KHDRBS2: variants seen among roughly 807,000 people sequenced by gnomAD.
KHDRBS2 encodes the protein KH RNA binding domain containing, signal transduction associated 2.
A neutral mutation model predicts 44.3 loss-of-function variants in KHDRBS2; 26 were observed. The ratio of observed to expected loss-of-function variants is 0.59; its 90% CI spans 0.43 to 0.81. The LOEUF is 0.81. Ranked by LOEUF, KHDRBS2 falls within the 40% of genes least tolerant of loss-of-function variation. KHDRBS2 has a pLI of 0.00. For missense variants in KHDRBS2, 476 were observed against 433.1 expected (o/e 1.10, Z -0.88); for synonymous variants, 194 against 151.1 (o/e 1.28, Z -2.08).
intron 3 of KHDRBS2, among the ~76,000 whole-genome samples, chr6:61,992,527 A>G (rs1260689069): frequency 6.6e-6 from 1 of 152,148 alleles, no homozygotes; most frequent in Non-Finnish European, 1.5e-5. Context: ...ACTAATATCA[A>G]TTGTATCCTG....
intron 4 of KHDRBS2, among the ~76,000 whole-genome samples, chr6:61,974,695 G>A (rs949997775): frequency 6.6e-6 from 1 of 151,948 alleles, no homozygotes; most frequent in African/African-American, 2.4e-5. Flanking sequence ...CACTTTGGGA[G>A]GCTGAGGCGG....
At chr6:61,784,302 T>A (rs545732295) in intron 6 of KHDRBS2, among the ~76,000 whole-genome samples, 24 of 151,878 alleles carry the variant, frequency 1.6e-4, no homozygotes, top group African/African-American at 4.8e-4. Context: ...AGTAATTGGA[T>A]AAGTTTAAAA....
intron 6 of KHDRBS2, among the ~76,000 whole-genome samples, chr6:61,783,625 A>G (rs1279192033): frequency 1.3e-5 from 2 of 152,172 alleles, no homozygotes; most frequent in African/African-American, 4.8e-5. Flanking sequence ...TATAAAATCA[A>G]ATCGATTTTC....
chr6:61,681,140 C>T (rs961077083), intron 8 of KHDRBS2, 80 bp from the exon 9 acceptor site: 9 of 951,618 alleles, frequency 9.5e-6, no homozygotes, highest in Middle Eastern at 2.3e-4. Context: ...AATAGTTGAC[C>T]GAGAAAAAGA....
At chr6:61,676,631 C>T (rs1765960893), downstream of KHDRBS2, among the ~76,000 whole-genome samples, 1 of 151,860 alleles carries the variant, frequency 6.6e-6, no homozygotes, top group African/African-American at 2.4e-5. Flanking sequence ...GCCAGACTTG[C>T]TTCACTCTTG....
Position 62,250,719 on chromosome 6 carries a change from A to G in KHDRBS2, c.91+35139T>C, listed in dbSNP as rs963819454. 2.6e-5 allele frequency among the ~76,000 whole-genome samples: 4 copies of G among 152,060 alleles called. No homozygotes were observed. In the South Asian group the frequency reaches 6.2e-4, roughly 24 times the overall value. ...GGATGCTAAATCTAGGAGAAACTAGATATTTTCACGGTATTGAAGCGTCTC... is the reference window on the plus strand; with the variant it reads ...GGATGCTAAATCTAGGAGAAACTAGGTATTTTCACGGTATTGAAGCGTCTC... On this transcript the variant is annotated intron_variant, in intron 1 of 8. Coordinates refer to ENST00000281156, the MANE Select transcript of KHDRBS2 (RefSeq NM_152688.4).
At chr6:62,078,391 T>C (rs752612547) in intron 2 of KHDRBS2, among the ~76,000 whole-genome samples, 3 of 152,040 alleles carry the variant, frequency 2.0e-5, no homozygotes, top group Non-Finnish European at 4.4e-5. Context: ...TCAGAGAGGA[T>C]AACATGTGTA....
chr6:62,064,181 A>C (rs1020242130), intron 2 of KHDRBS2, among the ~76,000 whole-genome samples: 19 of 109,658 alleles, frequency 1.7e-4, no homozygotes, highest in African/African-American at 4.8e-4. Context: ...GGAAGAATCA[A>C]TATTGTGAAA....
At chr6:61,781,129 T>C (rs1454869433) in intron 6 of KHDRBS2, among the ~76,000 whole-genome samples, 1 of 152,288 alleles carries the variant, frequency 6.6e-6, no homozygotes, top group East Asian at 1.9e-4. Flanking sequence ...CATAATGCAA[T>C]TACACAAAGG....
chr6:61,906,893 CTT>C (rs199843521), intron 4 of KHDRBS2, among the ~76,000 whole-genome samples: 10 of 146,866 alleles, frequency 6.8e-5, no homozygotes, highest in Admixed American at 2.0e-4. Flanking sequence ...TACTAGTTTG[CTT>C]TTTTTTTTTT....
At chr6:61,783,390 T>G (rs1301130416) in intron 6 of KHDRBS2, among the ~76,000 whole-genome samples, 3 of 152,106 alleles carry the variant, frequency 2.0e-5, no homozygotes, top group Non-Finnish European at 4.4e-5. Context: ...TGCATTGTCA[T>G]GATCTATTTG....
At chr6:61,686,028 G>C (rs138171258) in intron 8 of KHDRBS2, among the ~76,000 whole-genome samples, 1 of 151,740 alleles carries the variant, frequency 6.6e-6, no homozygotes, top group African/African-American at 2.4e-5. Context: ...TGCCACCTAA[G>C]AGGAAATTAA....
At chr6:61,619,561 TC>T in the KHDRBS2 span, among the ~76,000 whole-genome samples, 1 of 152,206 alleles carries the variant, frequency 6.6e-6, no homozygotes, top group African/African-American at 2.4e-5. Context: ...TTCTAGTGAT[TC>T]TCCTGCCTCA....
chr6:62,028,840 G>A (rs1294698656), intron 3 of KHDRBS2, among the ~76,000 whole-genome samples: 4 of 151,920 alleles, frequency 2.6e-5, no homozygotes, highest in Non-Finnish European at 5.9e-5. Flanking sequence ...TTTACTTGTC[G>A]ACACATGTGA....
At chr6:62,116,929 T>C (rs754813162) in intron 2 of KHDRBS2, among the ~76,000 whole-genome samples, 1 of 152,176 alleles carries the variant, frequency 6.6e-6, no homozygotes, top group African/African-American at 2.4e-5. Flanking sequence ...GATTTCACTC[T>C]TTTCTTTATG....
At chr6:62,141,690 T>C (rs563253421) in intron 2 of KHDRBS2, among the ~76,000 whole-genome samples, 41 of 152,214 alleles carry the variant, frequency 2.7e-4, no homozygotes, top group African/African-American at 9.6e-4. Flanking sequence ...CTCTATATAG[T>C]AAACATTTCT....
intron 6 of KHDRBS2, among the ~76,000 whole-genome samples, chr6:61,821,498 A>G (rs1469562833): frequency 6.6e-6 from 1 of 151,994 alleles, no homozygotes; most frequent in Non-Finnish European, 1.5e-5. Flanking sequence ...ACAGGTATCA[A>G]TGACTTAAAA....
intron 3 of KHDRBS2, among the ~76,000 whole-genome samples, chr6:62,036,506 C>A (rs1193585511): frequency 2.0e-5 from 3 of 151,836 alleles, no homozygotes; most frequent in Admixed American, 2.0e-4. Context: ...CACGATTTAC[C>A]CATGTAGCAA....
chr6:61,614,037 C>G, the KHDRBS2 span, among the ~76,000 whole-genome samples: 6 of 152,186 alleles, frequency 3.9e-5, no homozygotes, highest in Non-Finnish European at 7.3e-5. Context: ...AGAAATGGTG[C>G]TTGACACTTT....
Sources: allele counts gnomAD v4.1 joint callset (sites outside exome capture counted in the v4.1 genomes callset), GRCh38; gene constraint gnomAD v4.1.1; transcripts MANE v1.5; gene names NCBI Gene and HGNC (gene_info 2026-07-23, HGNC 2026-07-21).